UGGT2: variants seen among roughly 807,000 people sequenced by gnomAD.
UGGT2 encodes the protein UDP-glucose glycoprotein glucosyltransferase 2.
UGGT2 carries 180 observed loss-of-function variants against 192.1 expected under a neutral mutation model. The ratio of observed to expected loss-of-function variants is 0.94; its 90% CI spans 0.83 to 1.06. UGGT2 has a LOEUF of 1.06. Ranked by LOEUF, UGGT2 falls within the 50% of genes least tolerant of loss-of-function variation. The pLI, the probability that UGGT2 is intolerant of heterozygous loss-of-function variation, is 0.00. For synonymous variants in UGGT2, 580 were observed against 591.0 expected (o/e 0.98, Z 0.27); for missense variants, 1,849 against 1,795.7 (o/e 1.03, Z -0.54).
At chr13:95,909,767 T>TAATAATAATAAA (rs1299913467) in intron 20 of UGGT2, among the ~76,000 whole-genome samples, 8 of 62,070 alleles carry the variant, frequency 1.3e-4, no homozygotes, top group African/African-American at 4.6e-4. Context: ...ATAATAATAA[T>TAATAATAATAAA]AATAATAATA....
At chr13:95,874,824 T>C (rs1347188910) in intron 29 of UGGT2, among the ~76,000 whole-genome samples, 1 of 152,048 alleles carries the variant, frequency 6.6e-6, no homozygotes, top group Non-Finnish European at 1.5e-5. Flanking sequence ...CCCAAGTAAC[T>C]AGGACTACAG....
At chr13:95,983,491 C>T in intron 10 of UGGT2, 1 of 446,640 alleles carries the variant, frequency 2.2e-6, no homozygotes, top group Admixed American at 2.7e-5. Context: ...TCTTCACAAG[C>T]TTTTAAGCAA....
chr13:95,818,325 A>G (rs1885127668), intron 38 of UGGT2, among the ~76,000 whole-genome samples: 1 of 152,222 alleles, frequency 6.6e-6, no homozygotes, highest in African/African-American at 2.4e-5. Context: ...AAAGAAAAGA[A>G]AATCTTTGCA....
intron 12 of UGGT2, among the ~76,000 whole-genome samples, chr13:95,969,421 T>A (rs1241187557): frequency 6.6e-6 from 1 of 152,200 alleles, no homozygotes; most frequent in African/African-American, 2.4e-5. Context: ...CTGGGGATTC[T>A]CTTAACACAA....
intron 38 of UGGT2, among the ~76,000 whole-genome samples, chr13:95,824,254 A>C (rs1480189929): frequency 1.4e-5 from 2 of 143,650 alleles, no homozygotes; most frequent in Non-Finnish European, 3.1e-5. Flanking sequence ...TAGATACCTG[A>C]CAACTGTGTG....
At chr13:95,940,165 G>T in intron 15 of UGGT2, 74 bp from the exon 16 acceptor site, 1 of 1,180,518 alleles carries the variant, frequency 8.5e-7, no homozygotes, top group Non-Finnish European at 1.1e-6. Flanking sequence ...TTAGCATGCA[G>T]ATAGATTTTT....
intron 2 of UGGT2, among the ~76,000 whole-genome samples, chr13:96,028,815 T>C (rs1032445134): frequency 6.6e-5 from 10 of 152,156 alleles, no homozygotes. Flanking sequence ...TTATTAAATG[T>C]TTCCTCTAAG....
intron 34 of UGGT2, among the ~76,000 whole-genome samples, chr13:95,854,682 T>C (rs912085556): frequency 6.6e-6 from 1 of 152,230 alleles, no homozygotes; most frequent in Non-Finnish European, 1.5e-5. Flanking sequence ...TTTATATTCC[T>C]AGTCTTTAAG....
intron 25 of UGGT2, among the ~76,000 whole-genome samples, chr13:95,888,756 C>T (rs2047718592): frequency 6.6e-6 from 1 of 151,820 alleles, no homozygotes; most frequent in East Asian, 1.9e-4. Flanking sequence ...ATAAAGTATG[C>T]TATTATTACC....
chr13:95,830,125 T>G (rs1229095607), intron 38 of UGGT2, among the ~76,000 whole-genome samples: 1 of 152,148 alleles, frequency 6.6e-6, no homozygotes. Flanking sequence ...ATAGAAAAAT[T>G]AATTCAAGAT....
chr13:95,965,418 A>G (rs1486275545), intron 12 of UGGT2, among the ~76,000 whole-genome samples: 1 of 152,014 alleles, frequency 6.6e-6, no homozygotes, highest in Non-Finnish European at 1.5e-5. Flanking sequence ...GCCTTAAAAA[A>G]TGATGAGTTC....
At chr13:95,945,609 TA>T (rs2049839546) in intron 15 of UGGT2, among the ~76,000 whole-genome samples, 1 of 152,116 alleles carries the variant, frequency 6.6e-6, no homozygotes, top group Admixed American at 6.6e-5. Flanking sequence ...ATAACTTAGG[TA>T]AAGATAATTT....
intron 36 of UGGT2, among the ~76,000 whole-genome samples, chr13:95,851,265 A>C (rs1020825271): frequency 9.2e-5 from 14 of 152,178 alleles, no homozygotes; most frequent in African/African-American, 3.4e-4. Context: ...AATTTGAGGT[A>C]AGTTTTGGTC....
rs996482771 is a variant in UGGT2 at position 95,856,264 on chromosome 13, C to T, written c.3902G>A (p.Arg1301His). 1.7e-5 allele frequency: 28 copies of T among 1,613,500 alleles called. No individual in the cohort carries two copies. Among genetic ancestry groups the T allele is most frequent in the East Asian group, 4.5e-5 (2 of 44,812 alleles). The change falls in exon 34 of 39, where the codon CGT becomes CAT. Residue 1301 changes from arginine to histidine, a missense_variant. Arg to His is a conservative substitution (Grantham distance 29, BLOSUM62 0). Coordinates refer to ENST00000376747, the MANE Select transcript of UGGT2 (RefSeq NM_020121.4). The part of the protein sequence containing the change: ...LVQYRWPRWL[R>H]QQTERQRIIW... ...AATCCTCTGTCTTTCAGTCTGTTGA[C>T]GAAGCCAACGGGGCCACCTATATTG...
At chr13:95,865,393 C>T (rs1890566707) in intron 30 of UGGT2, among the ~76,000 whole-genome samples, 1 of 152,140 alleles carries the variant, frequency 6.6e-6, no homozygotes, top group Admixed American at 6.5e-5. Flanking sequence ...GCCTGTAATC[C>T]CAGCACTCTG....
At chr13:95,850,464 A>G (rs777001528) in intron 36 of UGGT2, among the ~76,000 whole-genome samples, 1 of 152,228 alleles carries the variant, frequency 6.6e-6, no homozygotes, top group Admixed American at 6.5e-5. Context: ...ACACAGAATC[A>G]GCACTAAATA....
chr13:95,889,958 G>A (rs545790487), intron 25 of UGGT2, among the ~76,000 whole-genome samples: 49 of 152,254 alleles, frequency 3.2e-4, no homozygotes, highest in African/African-American at 1.2e-3. Context: ...TAGGTGCTTC[G>A]TGACAGCTCA....
At chr13:95,904,304 A>C (rs972230079) in intron 20 of UGGT2, among the ~76,000 whole-genome samples, 1 of 151,750 alleles carries the variant, frequency 6.6e-6, no homozygotes. Flanking sequence ...TCTTTTTTTT[A>C]TTATTAAACT....
At chr13:95,889,295 G>A (rs1854758) in intron 25 of UGGT2, among the ~76,000 whole-genome samples, 128,805 of 152,094 alleles carry the variant, frequency 0.85, 54,742 homozygotes, top group East Asian at 0.93. Flanking sequence ...AAAAGAACAA[G>A]TAGGTAAATC....
Sources: gnomAD v4.1 joint callset for allele counts (sites outside exome capture counted in the v4.1 genomes callset) on GRCh38, gnomAD v4.1.1 for gene constraint, MANE v1.5 for transcripts, NCBI Gene and HGNC (gene_info 2026-07-23, HGNC 2026-07-21) for gene names.